The following ZFHX3 variants were observed in gnomAD, a reference collection of about 807,000 sequenced individuals.
ZFHX3 encodes the protein zinc finger homeobox 3.
Under a neutral mutation model 279.1 loss-of-function variants are expected in ZFHX3, and 42 were observed. That is an observed-to-expected ratio of 0.15 (90% CI 0.12 to 0.19). ZFHX3 has a LOEUF of 0.19. Ranked by LOEUF, ZFHX3 falls within the 10% of genes least tolerant of loss-of-function variation. The probability of loss-of-function intolerance (pLI) is 1.00; values close to 1 mark genes in which losing one functional copy is unlikely to be tolerated. For synonymous variants in ZFHX3, 2,293 were observed against 1,957.8 expected (o/e 1.17, Z -4.52); for missense variants, 4,981 against 4,754.0 (o/e 1.05, Z -1.40).
rs189419642 is a variant in ZFHX3, at chr16:73,601,840, C to T, written c.-1547+78340G>A. ...AGATGCTTAGAATAACATTTAGGAA[C>T]ACAGAATAAAGGAAATGCTGGAAAA... On this transcript the variant is annotated intron_variant, in intron 2 of 17. Coordinates refer to the ZFHX3 transcript ENST00000641206. 4.3e-4 allele frequency among the ~76,000 whole-genome samples: 66 copies of T among 152,174 alleles called. 1 individual carries two copies. Among genetic ancestry groups the T allele is most frequent in the Non-Finnish European group, 7.1e-4 (48 of 68,014 alleles).
chr16:73,034,479 G>T (rs912897486), intron 1 of ZFHX3, among the ~76,000 whole-genome samples: 9 of 152,152 alleles, frequency 5.9e-5, no homozygotes, highest in Admixed American at 1.3e-4. Context: ...TGTGTGTGTG[G>T]TGCTAGAAAT....
At chr16:73,382,197 A>C (rs1567466841) in intron 3 of ZFHX3, among the ~76,000 whole-genome samples, 1 of 152,248 alleles carries the variant, frequency 6.6e-6, no homozygotes. Context: ...AGGTGCAATA[A>C]GGTATGATTA....
At chr16:73,137,102 C>G (rs1039404340) in intron 6 of ZFHX3, among the ~76,000 whole-genome samples, 6 of 152,034 alleles carry the variant, frequency 3.9e-5, no homozygotes, top group African/African-American at 1.5e-4. Context: ...AATCACTAGA[C>G]TTTGATATTT....
chr16:73,685,836 C>A (rs1028012635), intron 1 of ZFHX3, among the ~76,000 whole-genome samples: 1 of 152,120 alleles, frequency 6.6e-6, no homozygotes, highest in Admixed American at 6.5e-5. Flanking sequence ...TTTATGAGCA[C>A]CCGACAATGT....
chr16:72,979,012 C>G (rs1962478063), intron 1 of ZFHX3, among the ~76,000 whole-genome samples: 1 of 152,136 alleles, frequency 6.6e-6, no homozygotes, highest in Admixed American at 6.5e-5. Flanking sequence ...AGGAGAGAAC[C>G]AGTTGGTACC....
intron 2 of ZFHX3, among the ~76,000 whole-genome samples, chr16:73,595,773 C>A (rs961632251): frequency 4.6e-5 from 7 of 152,120 alleles, no homozygotes; most frequent in African/African-American, 7.2e-5. Flanking sequence ...ACTCACTACT[C>A]CGAACTGGTC....
intron 8 of ZFHX3, among the ~76,000 whole-genome samples, chr16:73,083,634 A>G (rs1267569682): frequency 6.6e-6 from 1 of 152,074 alleles, no homozygotes; most frequent in African/African-American, 2.4e-5. Context: ...GGCTCAAGCC[A>G]TCCTCTCACC....
chr16:73,066,119 C>G (rs1965748999), intron 8 of ZFHX3, among the ~76,000 whole-genome samples: 1 of 152,218 alleles, frequency 6.6e-6, no homozygotes, highest in Non-Finnish European at 1.5e-5. Flanking sequence ...GCGGGCAGGG[C>G]ACTGGTCCCC....
At chr16:73,139,352 C>T (rs1966840299) in intron 6 of ZFHX3, among the ~76,000 whole-genome samples, 1 of 152,082 alleles carries the variant, frequency 6.6e-6, no homozygotes, top group African/African-American at 2.4e-5. Flanking sequence ...TGTATATGTG[C>T]ATGCATAGGA....
At chr16:73,060,735 T>A (rs1284617380), upstream of ZFHX3, 1 of 152,188 alleles carries the variant, frequency 6.6e-6, no homozygotes, top group Non-Finnish European at 1.5e-5. Context: ...TTTGAAGGCA[T>A]TATTAGTAAA....
intron 8 of ZFHX3, among the ~76,000 whole-genome samples, chr16:73,082,393 G>T (rs1360594265): frequency 6.6e-6 from 1 of 151,990 alleles, no homozygotes; most frequent in East Asian, 1.9e-4. Context: ...TCAGCCTCCC[G>T]AATAGCTGGG....
At chr16:73,060,912 A>G (rs1205989397), upstream of ZFHX3, 1 of 152,206 alleles carries the variant, frequency 6.6e-6, no homozygotes, top group Non-Finnish European at 1.5e-5. Context: ...TCTTAAGAAC[A>G]TGCAGCTTCT....
At chr16:73,348,641 C>T (rs189484066) in intron 3 of ZFHX3, among the ~76,000 whole-genome samples, 185 of 152,346 alleles carry the variant, frequency 1.2e-3, no homozygotes, top group African/African-American at 4.2e-3. Flanking sequence ...TTTCTGCACA[C>T]GGTGCAATTA....
intron 4 of ZFHX3, among the ~76,000 whole-genome samples, chr16:72,883,462 C>T (rs1224991750): frequency 6.6e-6 from 1 of 152,150 alleles, no homozygotes; most frequent in Non-Finnish European, 1.5e-5. Context: ...TGTTAGAGTC[C>T]ATATAAATAC....
intron 2 of ZFHX3, among the ~76,000 whole-genome samples, chr16:73,619,557 C>G (rs2052338402): frequency 6.6e-6 from 1 of 150,732 alleles, no homozygotes; most frequent in South Asian, 2.1e-4. Context: ...ATAGCATTGC[C>G]TTTTTTGAAC....
chr16:73,479,659 TGTGTC>T (rs1210145295), intron 2 of ZFHX3, among the ~76,000 whole-genome samples: 1 of 152,202 alleles, frequency 6.6e-6, no homozygotes, highest in Non-Finnish European at 1.5e-5. Flanking sequence ...TCTGTCATCC[TGTGTC>T]ACCATGCCTC....
chr16:72,787,529 TGCTAGGATCGG>T lies in ZFHX3; in HGVS notation c.10736_10746del (p.Pro3579HisfsTer83). 1 of 1,613,770 alleles carries T rather than the reference TGCTAGGATCGG, an allele frequency of 6.2e-7. No individual in the cohort carries two copies. Among genetic ancestry groups the T allele is most frequent in the Non-Finnish European group, 8.5e-7 (1 of 1,179,918 alleles). On this transcript the variant is annotated frameshift_variant, in exon 10 of 10. Transcript: ENST00000268489. LOFTEE classifies it high-confidence loss of function. ...GCGGCAGACTGCGAGGTAGATGCGG[TGCTAGGATCGG>T]GGAAGCAGGCAGAGTGAGGTAATAA...
At chr16:73,066,425 A>C in intron 8 of ZFHX3, among the ~76,000 whole-genome samples, 1 of 151,614 alleles carries the variant, frequency 6.6e-6, no homozygotes, top group East Asian at 2.0e-4. Context: ...CCATTTCGGG[A>C]CCCTTTTTTT....
At chr16:73,161,399 C>G (rs547006126) in intron 5 of ZFHX3, among the ~76,000 whole-genome samples, 8 of 152,164 alleles carry the variant, frequency 5.3e-5, no homozygotes, top group Non-Finnish European at 1.0e-4. Flanking sequence ...AGTCGCTCAA[C>G]GGTTATTGAT....
Sources: gnomAD v4.1 joint callset for allele counts (sites outside exome capture counted in the v4.1 genomes callset) on GRCh38, gnomAD v4.1.1 for gene constraint, MANE v1.5 for transcripts, NCBI Gene and HGNC (gene_info 2026-07-23, HGNC 2026-07-21) for gene names.